Variants in PRDM16 observed in about 807,000 individuals in gnomAD.
The protein encoded by PRDM16 is PR/SET domain 16.
A neutral mutation model predicts 110.6 loss-of-function variants in PRDM16; 23 were observed. The ratio of observed to expected loss-of-function variants is 0.21; its 90% CI spans 0.15 to 0.29. The LOEUF is 0.29. PRDM16 is among the 10% of genes least tolerant of loss of function. PRDM16 has a pLI of 1.00. For synonymous variants in PRDM16, 799 were observed against 781.8 expected (o/e 1.02, Z -0.37); for missense variants, 1,615 against 1,794.3 (o/e 0.90, Z 1.81).
chr1:3,107,527 C>T (rs1253131352), intron 1 of PRDM16, among the ~76,000 whole-genome samples: 1 of 152,188 alleles, frequency 6.6e-6, no homozygotes, highest in Non-Finnish European at 1.5e-5. Context: ...GGGGAGCCTG[C>T]GGATCTCCTT....
At chr1:3,159,033 A>G (rs10218452) in intron 1 of PRDM16, among the ~76,000 whole-genome samples, 35,193 of 152,094 alleles carry the variant, frequency 0.23, 4,196 homozygotes, top group Admixed American at 0.3. Flanking sequence ...TGGCCTCCCA[A>G]ATGCTGGGAT....
At chr1:3,226,113 G>C (rs1181275008) in intron 2 of PRDM16, among the ~76,000 whole-genome samples, 1 of 152,222 alleles carries the variant, frequency 6.6e-6, no homozygotes, top group Non-Finnish European at 1.5e-5. Flanking sequence ...GGTAGCTCAG[G>C]TGCCAGCAGG....
intron 1 of PRDM16, among the ~76,000 whole-genome samples, chr1:3,164,579 T>G (rs1643929141): frequency 6.6e-6 from 1 of 152,134 alleles, no homozygotes; most frequent in African/African-American, 2.4e-5. Context: ...GACAGAAAAC[T>G]TTCCCGGTGT....
At chr1:3,409,760 AGT>A (rs1031140484) in intron 8 of PRDM16, among the ~76,000 whole-genome samples, 17 of 55,266 alleles carry the variant, frequency 3.1e-4, no homozygotes, top group South Asian at 1.0e-3. Flanking sequence ...TGTGGGTGTG[AGT>A]GTGTGTGGTT....
rs1640465094 is a variant in PRDM16 at position 3,271,929 on chromosome 1, G to A, written c.438+27792G>A. 2.6e-5 allele frequency among the ~76,000 whole-genome samples: 4 copies of A among 152,194 alleles called. No homozygotes were observed. In the South Asian group the frequency reaches 8.3e-4, roughly 31 times the overall value. On this transcript the variant is annotated intron_variant, in intron 3 of 16. Coordinates refer to ENST00000270722, the MANE Select transcript of PRDM16 (RefSeq NM_022114.4). ...ACCGTCTGTCTTGCAGGTAGGATAA[G>A]GTGCCTGATCACAAGACCACACATT...
At chr1:3,126,883 G>C (rs115650479) in intron 1 of PRDM16, among the ~76,000 whole-genome samples, 1 of 152,210 alleles carries the variant, frequency 6.6e-6, no homozygotes, top group Non-Finnish European at 1.5e-5. Flanking sequence ...TGTCAGGCCC[G>C]GGCCCGCTGT....
chr1:3,434,818 G>A lies in PRDM16; in HGVS notation c.*1007G>A. 1 of 232,174 alleles carries A rather than the reference G, an allele frequency of 4.3e-6. No individual in the cohort carries two copies. Among genetic ancestry groups the A allele is most frequent in the Non-Finnish European group, 8.5e-6 (1 of 117,356 alleles). 14.4% of individuals were successfully genotyped at this position (232,174 alleles called of 1,614,324 possible). Reference sequence around the variant, plus strand: ...TCCCTGCCTCGGCCACCCCACGCGGGAACCCAGCGCCGTCCTCTGAAGGCA... The same window carrying A: ...TCCCTGCCTCGGCCACCCCACGCGGAAACCCAGCGCCGTCCTCTGAAGGCA... On this transcript the variant is annotated 3_prime_UTR_variant, in exon 17 of 17. Coordinates refer to ENST00000270722, the MANE Select transcript of PRDM16 (RefSeq NM_022114.4).
At chr1:3,344,159 A>C (rs1474830083) in intron 3 of PRDM16, among the ~76,000 whole-genome samples, 2 of 152,138 alleles carry the variant, frequency 1.3e-5, no homozygotes, top group East Asian at 3.9e-4. Flanking sequence ...CAACATAACA[A>C]GACTCCCTCT....
At chr1:3,240,427 A>G (rs929673697) in intron 2 of PRDM16, among the ~76,000 whole-genome samples, 3 of 150,984 alleles carry the variant, frequency 2.0e-5, no homozygotes, top group African/African-American at 7.3e-5. Flanking sequence ...AAAAAAACAG[A>G]AAAAGAAGAA....
At chr1:3,193,281 G>A (rs370676005) in intron 2 of PRDM16, among the ~76,000 whole-genome samples, 9 of 152,200 alleles carry the variant, frequency 5.9e-5, no homozygotes, top group Non-Finnish European at 1.2e-4. Context: ...CTGAGGCTTC[G>A]GGCTCCTGCC....
intron 1 of PRDM16, among the ~76,000 whole-genome samples, chr1:3,134,213 A>G (rs1018302705): frequency 2.0e-5 from 3 of 152,102 alleles, no homozygotes; most frequent in African/African-American, 7.2e-5. Context: ...GCCTCTACAC[A>G]GAGGCTCCCA....
chr1:3,164,665 G>A (rs533344653), intron 1 of PRDM16, among the ~76,000 whole-genome samples: 1 of 152,236 alleles, frequency 6.6e-6, no homozygotes, highest in South Asian at 2.1e-4. Flanking sequence ...CGGCAGGCGA[G>A]GGGCTAGGAG....
rs903167964 is a variant in PRDM16, at chr1:3,134,578, G to A, written c.38-51547G>A. On this transcript the variant is annotated intron_variant, in intron 1 of 16. Coordinates refer to ENST00000270722, the MANE Select transcript of PRDM16 (RefSeq NM_022114.4). Reference sequence around the variant, plus strand: ...CCTACTCCGAGGGCGCGTGGAGCCCGCCTCCCCCTGGAAGGGGAAATAGGA... The same window carrying A: ...CCTACTCCGAGGGCGCGTGGAGCCCACCTCCCCCTGGAAGGGGAAATAGGA... Among the ~76,000 whole-genome samples the A allele has an allele frequency of 1.7e-4, 25 of 148,964 alleles. 1 individual carries two copies. In the East Asian group the frequency reaches 4.5e-3, roughly 27 times the overall value.
At position 3,417,898 on chromosome 1, in the gene PRDM16, C is replaced by A; in HGVS notation, c.2762C>A (p.Ser921Tyr). ...GCCATGAAGGCGGACTCGGGCAGCT[C>A]CCTGCAGCCCCTCCCCCACCACCCC... Reference protein sequence around the residue: ...FAAMKADSGSSLQPLPHHPFN... With the variant: ...FAAMKADSGSYLQPLPHHPFN... The change falls in exon 11 of 17, where the codon TCC (serine) becomes TAC (tyrosine). Residue 921 changes from serine (S) to tyrosine (Y), a missense_variant. Ser to Tyr is a moderately radical substitution (Grantham distance 144). This residue lies in a region of PRDM16 where 772 missense variants were observed against 748.3 expected (regional missense o/e 1.03). Transcript: ENST00000270722. The A allele has an allele frequency of 1.2e-6, 2 of 1,612,698 alleles. No homozygotes were observed. The highest frequency in any genetic ancestry group is 1.7e-6 in the Non-Finnish European group (2 of 1,178,978).
chr1:3,153,906 G>A (rs540992686), intron 1 of PRDM16, among the ~76,000 whole-genome samples: 1 of 152,328 alleles, frequency 6.6e-6, no homozygotes, highest in East Asian at 1.9e-4. Context: ...GCATATCTAC[G>A]TAGAGATCCA....
At chr1:3,287,557 CT>C (rs1360236628) in intron 3 of PRDM16, among the ~76,000 whole-genome samples, 1 of 43,822 alleles carries the variant, frequency 2.3e-5, no homozygotes, top group East Asian at 7.2e-4. Context: ...GAGCCGCCCC[CT>C]GCCACGCGGG....
chr1:3,123,991 G>A (rs905560546), intron 1 of PRDM16, among the ~76,000 whole-genome samples: 6 of 152,232 alleles, frequency 3.9e-5, no homozygotes, highest in East Asian at 1.9e-4. Context: ...TATGGTGGGC[G>A]TCCGAGTCGT....
intron 6 of PRDM16, among the ~76,000 whole-genome samples, chr1:3,404,177 G>C (rs532337383): frequency 1.3e-5 from 2 of 152,290 alleles, no homozygotes; most frequent in African/African-American, 4.8e-5. Flanking sequence ...GGGAAGCCGG[G>C]GGTCCCCCAA....
rs560319742 is a variant in PRDM16 at position 3,114,259 on chromosome 1, C to T, written c.37+44963C>T. ...CGCAGTGTAAACATGCACACGCACG[C>T]GCACACGTACACACACGCACACACG... is the stretch of plus-strand genomic sequence containing the variant. On this transcript the variant is annotated intron_variant, in intron 1 of 16. Coordinates refer to ENST00000270722, the MANE Select transcript of PRDM16 (RefSeq NM_022114.4). 2.9e-3 allele frequency among the ~76,000 whole-genome samples: 416 copies of T among 144,434 alleles called. 2 individuals are homozygous for T. The highest frequency in any genetic ancestry group is 9.3e-3 in the African/African-American group (357 of 38,538). The allele number at this position is 144,434 out of a possible 152,430, so 94.8% of individuals were successfully genotyped here. A position where few individuals can be genotyped will look rare whatever the true frequency, so the allele number is the denominator to read the frequency against.
Sources: allele counts gnomAD v4.1 joint callset (sites outside exome capture counted in the v4.1 genomes callset), GRCh38; gene constraint gnomAD v4.1.1; regional missense constraint gnomAD v4.1.1; transcripts MANE v1.5; gene names NCBI Gene and HGNC (gene_info 2026-07-23, HGNC 2026-07-21).